The following FHIT variants were observed in gnomAD, a reference collection of about 807,000 sequenced individuals.
FHIT encodes the protein fragile histidine triad diadenosine triphosphatase, also known as bis(5'-adenosyl)-triphosphatase.
A neutral mutation model predicts 17.9 loss-of-function variants in FHIT; 19 were observed. The observed-to-expected ratio is 1.06, with a 90% confidence interval of 0.74 to 1.56. FHIT has a LOEUF of 1.56. Among genes scored for constraint, FHIT ranks in the 40% most tolerant of loss-of-function variants. The pLI, the probability that FHIT is intolerant of heterozygous loss-of-function variation, is 0.00. For synonymous variants in FHIT, 81 were observed against 69.7 expected (o/e 1.16, Z -0.81); for missense variants, 248 against 189.2 (o/e 1.31, Z -1.82).
intron 4 of FHIT, among the ~76,000 whole-genome samples, chr3:60,556,443 G>C (rs1162685558): frequency 6.6e-6 from 1 of 152,164 alleles, no homozygotes; most frequent in Non-Finnish European, 1.5e-5. Context: ...ACAGCAACAA[G>C]AGCCTTGCAC....
chr3:60,535,425 C>T (rs758087855), intron 5 of FHIT, among the ~76,000 whole-genome samples: 62 of 152,272 alleles, frequency 4.1e-4, no homozygotes, highest in Middle Eastern at 3.4e-3. Context: ...CCTGAATTTA[C>T]AGACATTTTG....
intron 4 of FHIT, among the ~76,000 whole-genome samples, chr3:60,629,680 C>T (rs183690368): frequency 5.3e-5 from 8 of 152,260 alleles, no homozygotes; most frequent in East Asian, 1.9e-4. Flanking sequence ...GCTGAGTAGC[C>T]GTCACTGGCC....
intron 7 of FHIT, among the ~76,000 whole-genome samples, chr3:59,961,000 T>C (rs1004774628): frequency 2.0e-5 from 3 of 152,244 alleles, no homozygotes; most frequent in Non-Finnish European, 4.4e-5. Context: ...AAGACGATTC[T>C]TGATTCATTC....
At chr3:60,077,739 G>GAGAGA (rs56848166) in intron 5 of FHIT, among the ~76,000 whole-genome samples, 10 of 68,318 alleles carry the variant, frequency 1.5e-4, no homozygotes, top group South Asian at 1.2e-3. Flanking sequence ...CATATATAGA[G>GAGAGA]GGGGGGGGGA....
At chr3:60,575,028 A>G (rs1485529340) in intron 4 of FHIT, among the ~76,000 whole-genome samples, 2 of 152,128 alleles carry the variant, frequency 1.3e-5, no homozygotes, top group African/African-American at 4.8e-5. Context: ...GATAGGCAAA[A>G]GTGGAGTAAA....
chr3:60,823,997 G>C (rs549978499), intron 3 of FHIT, among the ~76,000 whole-genome samples: 67 of 152,284 alleles, frequency 4.4e-4, no homozygotes, highest in African/African-American at 1.5e-3. Flanking sequence ...AGGAAACCAG[G>C]TCAGAGTGAT....
intron 4 of FHIT, among the ~76,000 whole-genome samples, chr3:60,769,798 G>A (rs1365867422): frequency 6.6e-6 from 1 of 152,128 alleles, no homozygotes; most frequent in Non-Finnish European, 1.5e-5. Flanking sequence ...ATTAACTTAG[G>A]TTTTCAATTT....
Position 60,013,993 on chromosome 3 carries a change from A to T in FHIT, c.249+14T>A. 1 of 1,612,868 alleles carries T rather than the reference A, an allele frequency of 6.2e-7. No homozygotes were observed. The highest frequency in any genetic ancestry group is 1.1e-5 in the South Asian group (1 of 91,014). On this transcript the variant is annotated intron_variant, in intron 6 of 9. Transcript: ENST00000492590. ...AGGGAAGAAAAATCATTTCTGAGAA[A>T]TCTGTACACTCACCTGCATGGAAAA...
intron 4 of FHIT, among the ~76,000 whole-genome samples, chr3:60,773,965 G>A (rs1029918972): frequency 1.3e-5 from 2 of 152,110 alleles, no homozygotes; most frequent in African/African-American, 4.8e-5. Flanking sequence ...ATTCCTACTG[G>A]ATGGGCTACT....
At chr3:61,188,338 T>C (rs1258480176) in intron 2 of FHIT, among the ~76,000 whole-genome samples, 2 of 152,110 alleles carry the variant, frequency 1.3e-5, no homozygotes, top group Non-Finnish European at 2.9e-5. Context: ...CTAGAAGAAT[T>C]TGATAAATTC....
At chr3:60,995,734 G>A (rs2030626430) in intron 3 of FHIT, among the ~76,000 whole-genome samples, 1 of 152,110 alleles carries the variant, frequency 6.6e-6, no homozygotes, top group African/African-American at 2.4e-5. Flanking sequence ...GGCACTCTCA[G>A]CTACTACCCA....
At chr3:60,027,834 C>T (rs534951728) in intron 5 of FHIT, among the ~76,000 whole-genome samples, 31 of 152,100 alleles carry the variant, frequency 2.0e-4, no homozygotes, top group African/African-American at 7.5e-4. Context: ...GCCTATAGAG[C>T]AGTGCTGTCT....
intron 4 of FHIT, among the ~76,000 whole-genome samples, chr3:60,809,665 A>G (rs1226993695): frequency 6.6e-5 from 10 of 152,216 alleles, no homozygotes; most frequent in African/African-American, 2.4e-4. Context: ...CCTGACCCCA[A>G]AGAATCTTAT....
chr3:61,086,804 A>C (rs766542582), intron 2 of FHIT, among the ~76,000 whole-genome samples: 2 of 152,260 alleles, frequency 1.3e-5, no homozygotes, highest in East Asian at 3.9e-4. Context: ...GTCATCATAT[A>C]AACTAAATCA....
intron 5 of FHIT, among the ~76,000 whole-genome samples, chr3:60,329,729 T>TGGTA (rs1056190653): frequency 3.3e-5 from 5 of 152,230 alleles, no homozygotes; most frequent in African/African-American, 1.2e-4. Flanking sequence ...CAGTCAGCTC[T>TGGTA]GGTAGCTTGC....
At chr3:60,713,965 G>A (rs1306574243) in intron 4 of FHIT, among the ~76,000 whole-genome samples, 1 of 151,778 alleles carries the variant, frequency 6.6e-6, no homozygotes. Flanking sequence ...CCAAAGCCTG[G>A]CAGAGACACA....
intron 4 of FHIT, among the ~76,000 whole-genome samples, chr3:60,710,258 C>T (rs2041487730): frequency 6.6e-6 from 1 of 152,038 alleles, no homozygotes; most frequent in Non-Finnish European, 1.5e-5. Context: ...TGCTATGGTG[C>T]CAGTAGTTTT....
intron 5 of FHIT, among the ~76,000 whole-genome samples, chr3:60,171,675 C>A (rs1237967529): frequency 6.6e-6 from 1 of 152,172 alleles, no homozygotes; most frequent in Non-Finnish European, 1.5e-5. Context: ...TTCCTTCATT[C>A]CACATTCATG....
intron 2 of FHIT, among the ~76,000 whole-genome samples, chr3:61,053,243 T>G (rs1340585765): frequency 2.6e-5 from 4 of 152,170 alleles, no homozygotes. Flanking sequence ...CCATGCCTCT[T>G]GAGAAGTTCT....
Sources: allele counts gnomAD v4.1 joint callset (sites outside exome capture counted in the v4.1 genomes callset), GRCh38; gene constraint gnomAD v4.1.1; transcripts MANE v1.5; gene names NCBI Gene and HGNC (gene_info 2026-07-23, HGNC 2026-07-21).